PPP2R2D: variants seen among roughly 807,000 people sequenced by gnomAD.
PPP2R2D encodes the protein protein phosphatase 2 regulatory subunit Bdelta.
Under a neutral mutation model 31.1 loss-of-function variants are expected in PPP2R2D, and 9 were observed. The ratio of observed to expected loss-of-function variants is 0.29; its 90% CI spans 0.17 to 0.51. The LOEUF (loss-of-function observed/expected upper bound fraction) is 0.51, where lower values mean the gene tolerates loss of function less well. PPP2R2D is among the 20% of genes least tolerant of loss of function. PPP2R2D has a pLI of 0.98. For synonymous variants in PPP2R2D, 179 were observed against 172.6 expected (o/e 1.04, Z -0.29); for missense variants, 391 against 465.6 (o/e 0.84, Z 1.48).
At chr10:131,907,681 T>C (rs2035617949) in intron 2 of PPP2R2D, among the ~76,000 whole-genome samples, 1 of 150,800 alleles carries the variant, frequency 6.6e-6, no homozygotes, top group African/African-American at 2.4e-5. Flanking sequence ...AGGCGGAGCT[T>C]GCAGTGAGCG....
downstream of PPP2R2D, among the ~76,000 whole-genome samples, chr10:131,963,549 G>T (rs2036947363): frequency 1.3e-5 from 2 of 152,328 alleles, no homozygotes; most frequent in East Asian, 3.9e-4. Context: ...CACTGCGCGC[G>T]TCTGGGCGGG....
At chr10:131,948,560 T>G (rs1483603784) in intron 8 of PPP2R2D, among the ~76,000 whole-genome samples, 4 of 152,154 alleles carry the variant, frequency 2.6e-5, no homozygotes, top group African/African-American at 9.7e-5. Flanking sequence ...AGCTCACAGA[T>G]AAGCAAGGGA....
chr10:131,941,158 G>A (rs140145151), intron 5 of PPP2R2D, among the ~76,000 whole-genome samples: 4 of 152,230 alleles, frequency 2.6e-5, no homozygotes, highest in South Asian at 4.1e-4. Flanking sequence ...GATGCTGATG[G>A]TTCAGAACTC....
At chr10:131,902,953 T>C (rs989965810) in intron 2 of PPP2R2D, among the ~76,000 whole-genome samples, 1 of 152,096 alleles carries the variant, frequency 6.6e-6, no homozygotes, top group Non-Finnish European at 1.5e-5. Flanking sequence ...GATTTCGCCA[T>C]GTTGCCCAGG....
intron 3 of PPP2R2D, among the ~76,000 whole-genome samples, chr10:131,938,953 T>C (rs1281923206): frequency 2.0e-5 from 3 of 152,252 alleles, no homozygotes; most frequent in Non-Finnish European, 2.9e-5. Flanking sequence ...CATTTTTGCC[T>C]CTATAGCTCA....
chr10:131,961,292 C>T (rs1554901434), downstream of PPP2R2D, among the ~76,000 whole-genome samples: 11 of 152,208 alleles, frequency 7.2e-5, no homozygotes. Context: ...GGCTTCTCTG[C>T]ACAGGTGGTG....
intron 2 of PPP2R2D, among the ~76,000 whole-genome samples, chr10:131,903,064 T>TAA (rs1174250097): frequency 6.9e-6 from 1 of 145,668 alleles, no homozygotes; most frequent in Non-Finnish European, 1.5e-5. Flanking sequence ...TTTCTTTACT[T>TAA]AAAAAAAAAA....
chr10:131,926,481 A>G (rs1468884971), intron 2 of PPP2R2D, among the ~76,000 whole-genome samples: 1 of 152,172 alleles, frequency 6.6e-6, no homozygotes, highest in Non-Finnish European at 1.5e-5. Context: ...GTTCGTGACC[A>G]GCCTGGACAA....
At chr10:131,953,123 TAGC>T (rs1409376870) in intron 8 of PPP2R2D, among the ~76,000 whole-genome samples, 2 of 81,010 alleles carry the variant, frequency 2.5e-5, no homozygotes, top group Non-Finnish European at 4.9e-5. Flanking sequence ...TTCCCTGTCT[TAGC>T]AGTGACTTGC....
intron 8 of PPP2R2D, among the ~76,000 whole-genome samples, chr10:131,953,944 A>C (rs527314384): frequency 6.6e-6 from 1 of 152,286 alleles, no homozygotes; most frequent in East Asian, 1.9e-4. Context: ...ACTCTCAAAA[A>C]CACGCCAGTC....
At chr10:131,927,850 A>G (rs2036137392) in intron 2 of PPP2R2D, among the ~76,000 whole-genome samples, 4 of 151,794 alleles carry the variant, frequency 2.6e-5, no homozygotes, top group Admixed American at 2.6e-4. Flanking sequence ...CATCTTTTCT[A>G]CTCTTGACGG....
At chr10:131,964,634 G>GGAA (rs1319268840), downstream of PPP2R2D, among the ~76,000 whole-genome samples, 2 of 151,084 alleles carry the variant, frequency 1.3e-5, no homozygotes, top group African/African-American at 4.9e-5. Context: ...GCCAACCCAT[G>GGAA]GAAAGCAAAT....
chr10:131,930,753 T>C (rs1441336229), intron 2 of PPP2R2D, among the ~76,000 whole-genome samples: 7 of 152,220 alleles, frequency 4.6e-5, no homozygotes, highest in Admixed American at 1.3e-4. Context: ...CCATCAGCCA[T>C]GCGGGGCCTC....
intron 2 of PPP2R2D, among the ~76,000 whole-genome samples, chr10:131,905,648 G>A (rs1347177585): frequency 1.3e-5 from 2 of 152,210 alleles, no homozygotes; most frequent in South Asian, 2.1e-4. Flanking sequence ...TCACACCACC[G>A]AAGAAGGAAG....
intron 2 of PPP2R2D, among the ~76,000 whole-genome samples, chr10:131,904,119 G>T (rs1437955530): frequency 2.0e-5 from 3 of 151,190 alleles, no homozygotes; most frequent in African/African-American, 7.3e-5. Context: ...CAGGAGGATT[G>T]CTTAAACCTG....
downstream of PPP2R2D, among the ~76,000 whole-genome samples, chr10:131,961,557 G>A (rs1554901464): frequency 2.6e-5 from 4 of 152,206 alleles, no homozygotes; most frequent in Non-Finnish European, 5.9e-5. Context: ...TGAGCTCCGT[G>A]CCTCTGTGCC....
intron 2 of PPP2R2D, among the ~76,000 whole-genome samples, chr10:131,917,184 G>T (rs71512272): frequency 0.054 from 7,722 of 141,954 alleles, 274 homozygotes; most frequent in Non-Finnish European, 0.087. Flanking sequence ...CACAGCGTTT[G>T]TAGGGACCTC....
chr10:131,903,295 C>G (rs985846228), intron 2 of PPP2R2D, among the ~76,000 whole-genome samples: 1 of 151,808 alleles, frequency 6.6e-6, no homozygotes, highest in East Asian at 1.9e-4. Context: ...AGTGAAACCC[C>G]GTCTCTGCTA....
At chr10:131,967,324 A>C in the PPP2R2D span, 1 of 152,258 alleles carries the variant, frequency 6.6e-6, no homozygotes, top group African/African-American at 2.4e-5. Flanking sequence ...GATGAAAGAC[A>C]AACAGCAAAC....
Sources: allele counts gnomAD v4.1 joint callset (sites outside exome capture counted in the v4.1 genomes callset), GRCh38; gene constraint gnomAD v4.1.1; transcripts MANE v1.5; gene names NCBI Gene and HGNC (gene_info 2026-07-23, HGNC 2026-07-21).